TRMT44: variants seen among roughly 807,000 people sequenced by gnomAD.
The protein encoded by TRMT44 is tRNA methyltransferase 44 homolog, also known as probable tRNA (uracil-O(2)-)-methyltransferase.
TRMT44 carries 78 observed loss-of-function variants against 77.3 expected under a neutral mutation model. That is an observed-to-expected ratio of 1.01 (90% CI 0.84 to 1.22). TRMT44 has a LOEUF of 1.22. TRMT44 is among the 50% of genes most tolerant of loss of function. The pLI is 0.00. For missense variants in TRMT44, 1,090 were observed against 964.4 expected (o/e 1.13, Z -1.73); for synonymous variants, 391 against 383.3 (o/e 1.02, Z -0.23).
At position 8,444,924 on chromosome 4, in the gene TRMT44, G is replaced by C. The variant is rs529078354; in HGVS notation, c.620-1552G>C. Among the ~76,000 whole-genome samples, 24 of 152,170 alleles carry C rather than the reference G, an allele frequency of 1.6e-4. No homozygotes were observed. The highest frequency in any genetic ancestry group is 2.9e-4 in the Non-Finnish European group (20 of 68,026). On this transcript the variant is annotated intron_variant, in intron 1 of 10. Coordinates refer to ENST00000389737, the MANE Select transcript of TRMT44 (RefSeq NM_152544.3). The surrounding 1 kb of genome is among the most constrained non-coding windows in gnomAD (Gnocchi z 4.0). ...AAATCGAAATTTATCATTGTGTAGC[G>C]ACAACAGTGACAGCAGATTTGGGGT...
the TRMT44 span, chr4:8,511,813 C>T: frequency 6.6e-6 from 1 of 151,846 alleles, no homozygotes; most frequent in South Asian, 2.1e-4. Context: ...TATTTGCCTG[C>T]ACCGGCATTT....
intron 6 of TRMT44, among the ~76,000 whole-genome samples, chr4:8,460,816 G>T (rs924883630): frequency 2.6e-5 from 4 of 152,092 alleles, no homozygotes; most frequent in African/African-American, 9.7e-5. Flanking sequence ...CTCCCAAAGT[G>T]CTGGGATTAT....
the TRMT44 span, among the ~76,000 whole-genome samples, chr4:8,504,466 CATT>C: frequency 6.6e-6 from 1 of 152,148 alleles, no homozygotes; most frequent in Non-Finnish European, 1.5e-5. This position sits in a 1 kb window ranked among gnomAD's most constrained non-coding sequence, Gnocchi z 5.3. Context: ...CCGCCCCACT[CATT>C]GTGTCCAGAC....
chr4:8,516,162 G>T, the TRMT44 span, among the ~76,000 whole-genome samples: 2 of 152,148 alleles, frequency 1.3e-5, no homozygotes, highest in East Asian at 3.9e-4. Flanking sequence ...TCGTCCCTGG[G>T]TGGCCACGCT....
Position 8,476,194 on chromosome 4 carries a change from C to T in TRMT44, c.*193C>T. The T allele has an allele frequency of 9.8e-6, 6 of 611,842 alleles. No homozygotes were observed. The highest frequency in any genetic ancestry group is 6.0e-5 in the South Asian group (3 of 49,860). 37.9% of individuals were successfully genotyped at this position (611,842 alleles called of 1,614,324 possible). ...CAGAGAAGCCACAGTTACTCGGAAG[C>T]CCCCAGCTGACTGCCTGGCTTGTTT... On this transcript the variant is annotated 3_prime_UTR_variant, in exon 11 of 11. Transcript: ENST00000389737.
chr4:8,454,976 TG>T, intron 6 of TRMT44, 163 bp downstream of exon 6: 1 of 678,452 alleles, frequency 1.5e-6, no homozygotes, highest in Non-Finnish European at 2.5e-6. Flanking sequence ...AAAAGAGACA[TG>T]AAACTAGACT....
intron 10 of TRMT44, among the ~76,000 whole-genome samples, chr4:8,472,166 A>C (rs1316261546): frequency 2.0e-5 from 3 of 152,142 alleles, no homozygotes; most frequent in African/African-American, 7.2e-5. Flanking sequence ...GTGAGTTGTG[A>C]TGTGCAGGGA....
chr4:8,467,856 G>A (rs1024031074), intron 8 of TRMT44, 58 bp from the exon 9 acceptor site: 2 of 1,489,642 alleles, frequency 1.3e-6, no homozygotes, highest in Non-Finnish European at 1.8e-6. Flanking sequence ...GAATTCCATG[G>A]AGAACGTTGA....
intron 2 of TRMT44, among the ~76,000 whole-genome samples, chr4:8,448,754 T>A (rs571153357): frequency 6.6e-6 from 1 of 152,280 alleles, no homozygotes; most frequent in South Asian, 2.1e-4. Context: ...TAATGCACCG[T>A]GGTGGCAGAA....
At position 8,454,732 on chromosome 4, in the gene TRMT44, AT is replaced by A. The variant is rs1234975424; in HGVS notation, c.1132-4del. The A allele has an allele frequency of 2.5e-6, 4 of 1,613,916 alleles. No homozygotes were observed. Among genetic ancestry groups the A allele is most frequent in the Non-Finnish European group, 1.7e-6 (2 of 1,179,850 alleles). ...GGTTAACCTTTGATTTCTAAAATTAATTTTTTCAGCATCCAGGCAGAGGGAT... is the reference window on the plus strand; with the variant it reads ...GGTTAACCTTTGATTTCTAAAATTAATTTTTCAGCATCCAGGCAGAGGGAT... On this transcript the variant is annotated splice_polypyrimidine_tract_variant and intron_variant, in intron 5 of 10. Coordinates refer to ENST00000389737, the MANE Select transcript of TRMT44 (RefSeq NM_152544.3).
chr4:8,449,957 T>TCTTTTC, intron 3 of TRMT44, 69 bp downstream of exon 3: 1 of 722,916 alleles, frequency 1.4e-6, no homozygotes, highest in South Asian at 2.5e-5. Flanking sequence ...TTCTTTTTTT[T>TCTTTTC]TTTTTTTTTT....
intron 7 of TRMT44, 29 bp from the exon 8 acceptor site, chr4:8,465,349 G>A: frequency 2.5e-6 from 4 of 1,589,732 alleles, no homozygotes; most frequent in Non-Finnish European, 2.6e-6. Flanking sequence ...CAGGATGCTT[G>A]ACCCTGTGGT....
At chr4:8,478,477 TTTC>T (rs1255924429), downstream of TRMT44, 3 of 152,594 alleles carry the variant, frequency 2.0e-5, no homozygotes, top group African/African-American at 7.2e-5. Context: ...CCAGGTACCA[TTTC>T]TTACTGCCCC....
intron 1 of TRMT44, among the ~76,000 whole-genome samples, chr4:8,442,874 C>G (rs1191857366): frequency 1.3e-5 from 2 of 152,238 alleles, no homozygotes; most frequent in African/African-American, 4.8e-5. Context: ...AAATTCTCTG[C>G]TCTTCGTGGC....
At chr4:8,470,676 CA>C (rs1253473539) in intron 9 of TRMT44, among the ~76,000 whole-genome samples, 5 of 152,218 alleles carry the variant, frequency 3.3e-5, no homozygotes, top group Admixed American at 1.3e-4. Flanking sequence ...ATGGTTGGAG[CA>C]GCCACTGGGA....
rs114539190 is a variant in TRMT44, at chr4:8,471,205, G to A, written c.2044+5G>A. 523 of 1,546,382 alleles carry A rather than the reference G, an allele frequency of 3.4e-4. 3 individuals are homozygous for A. The African/African-American group carries it at 6.3e-3, about 19-fold the overall frequency. On this transcript the variant is annotated splice_donor_5th_base_variant and intron_variant, in intron 10 of 10. Transcript: ENST00000389737. ...ACAGCCACCAGGTGTTCCAAGGTAC[G>A]GAGTCCGCCTCTCCCCCGCCGTTCT...
At chr4:8,464,509 C>T (rs528526249) in intron 7 of TRMT44, among the ~76,000 whole-genome samples, 2 of 152,326 alleles carry the variant, frequency 1.3e-5, no homozygotes, top group East Asian at 1.9e-4. Flanking sequence ...TGCCTCCGCA[C>T]GGGGAGCTGT....
intron 2 of TRMT44, among the ~76,000 whole-genome samples, chr4:8,485,932 C>T (rs896652876): frequency 1.3e-5 from 2 of 152,112 alleles, no homozygotes; most frequent in African/African-American, 4.8e-5. Context: ...TGGGTAGCCC[C>T]CGTATCGATT....
chr4:8,467,486 ATTTAT>A (rs968186199), intron 8 of TRMT44, among the ~76,000 whole-genome samples: 19 of 151,534 alleles, frequency 1.3e-4, no homozygotes, highest in Non-Finnish European at 2.9e-5. Context: ...ATTTTTATTG[ATTTAT>A]TTATTTTGAG....
Sources: gnomAD v4.1 joint callset for allele counts (sites outside exome capture counted in the v4.1 genomes callset) on GRCh38, gnomAD v4.1.1 for gene constraint, Gnocchi (gnomAD v3.1) non-coding constraint, MANE v1.5 for transcripts, NCBI Gene and HGNC (gene_info 2026-07-23, HGNC 2026-07-21) for gene names.